MYT1L: variants seen among roughly 807,000 people sequenced by gnomAD.
The protein encoded by MYT1L is myelin transcription factor 1 like.
MYT1L carries 12 observed loss-of-function variants against 126.7 expected under a neutral mutation model. That is an observed-to-expected ratio of 0.09 (90% CI 0.06 to 0.15). The LOEUF (loss-of-function observed/expected upper bound fraction) is 0.15, where lower values mean the gene tolerates loss of function less well. MYT1L is among the 10% of genes least tolerant of loss of function. The pLI, the probability that MYT1L is intolerant of heterozygous loss-of-function variation, is 1.00. For synonymous variants in MYT1L, 541 were observed against 604.2 expected (o/e 0.90, Z 1.53); for missense variants, 979 against 1,585.2 (o/e 0.62, Z 6.49).
chr2:1,989,356 G>A (rs1007307114), intron 5 of MYT1L, among the ~76,000 whole-genome samples: 4 of 152,040 alleles, frequency 2.6e-5, no homozygotes, highest in South Asian at 2.1e-4. Flanking sequence ...TAGAAGAGGC[G>A]GCTCTCTGCA....
chr2:2,052,546 A>C (rs532417322), intron 4 of MYT1L, among the ~76,000 whole-genome samples: 1 of 152,352 alleles, frequency 6.6e-6, no homozygotes, highest in African/African-American at 2.4e-5. Flanking sequence ...ATATATGATA[A>C]GGAGCTAATA....
At chr2:2,250,721 G>T (rs2094625134) in intron 2 of MYT1L, among the ~76,000 whole-genome samples, 1 of 152,056 alleles carries the variant, frequency 6.6e-6, no homozygotes, top group South Asian at 2.1e-4. Flanking sequence ...AATTCTCCAT[G>T]ATTTGATTAT....
chr2:2,008,852 A>T (rs925430537), intron 4 of MYT1L, among the ~76,000 whole-genome samples: 6 of 151,662 alleles, frequency 4.0e-5, no homozygotes, highest in East Asian at 1.9e-4. Context: ...AGTTATTATT[A>T]TTTTTTTTAA....
In MYT1L at chr2:2,323,183, T is replaced by C. The variant is rs1157413703; in HGVS notation, c.-521+7784A>G. On this transcript the variant is annotated intron_variant, in intron 1 of 24. Coordinates refer to ENST00000647738, the MANE Select transcript of MYT1L (RefSeq NM_001303052.2). ...TCTTGTGTTTGAGGTTTAGATTCAT[T>C]AAAGGTGGTTTCTTTCTTTTTTGAA... is the stretch of plus-strand genomic sequence containing the variant. Among the ~76,000 whole-genome samples the C allele has an allele frequency of 2.0e-5, 3 of 152,178 alleles. No individual in the cohort carries two copies. The East Asian group carries it at 5.8e-4, about 29-fold the overall frequency.
intron 2 of MYT1L, among the ~76,000 whole-genome samples, chr2:2,183,042 G>A (rs1227727462): frequency 6.6e-6 from 1 of 152,300 alleles, no homozygotes; most frequent in East Asian, 1.9e-4. Flanking sequence ...CTTTGAGAAG[G>A]TCATGTCATC....
intron 19 of MYT1L, among the ~76,000 whole-genome samples, chr2:1,849,581 G>T (rs1169582975): frequency 6.6e-6 from 1 of 152,220 alleles, no homozygotes; most frequent in Non-Finnish European, 1.5e-5. Flanking sequence ...CCTGGCATCT[G>T]GTGGGTGAGG....
rs139126460 is a variant in MYT1L, at chr2:1,922,267, C to T, written c.1483+19G>A. The T allele has an allele frequency of 6.7e-4, 1,077 of 1,606,754 alleles. 7 individuals carry two copies. In the African/African-American group the frequency reaches 0.013, roughly 19 times the overall value. On this transcript the variant is annotated intron_variant, in intron 10 of 24. Transcript: ENST00000647738. This position sits in a 1 kb window ranked among gnomAD's most constrained non-coding sequence, Gnocchi z 7.4. Reference sequence around the variant, plus strand: ...GCTCATGTTTTCATGAGGCAACTTACGTTAGGTAGAAATATTACCTTTACC... The same window carrying T: ...GCTCATGTTTTCATGAGGCAACTTATGTTAGGTAGAAATATTACCTTTACC...
intron 3 of MYT1L, among the ~76,000 whole-genome samples, chr2:2,062,142 G>A (rs920140744): frequency 6.6e-6 from 1 of 152,216 alleles, no homozygotes; most frequent in Non-Finnish European, 1.5e-5. Context: ...GTTGTACTGG[G>A]CAATACATGA....
chr2:2,146,891 C>T lies in MYT1L; in HGVS notation c.-304+25981G>A, dbSNP rs1386933452. ...GACCTTGAACATCCTTCACAGCCAT[C>T]AGCACTAAATATAAGGCTTTTTGTC... On this transcript the variant is annotated intron_variant, in intron 3 of 24. Transcript: ENST00000647738. 3.3e-5 allele frequency among the ~76,000 whole-genome samples: 5 copies of T among 152,268 alleles called. No individual in the cohort carries two copies. The East Asian group carries it at 9.7e-4, about 29-fold the overall frequency.
chr2:1,869,590 G>T (rs2046024465), intron 18 of MYT1L, among the ~76,000 whole-genome samples: 1 of 152,244 alleles, frequency 6.6e-6, no homozygotes, highest in South Asian at 2.1e-4. Flanking sequence ...TAAGGTGGAA[G>T]GAATGGTGAT....
intron 3 of MYT1L, among the ~76,000 whole-genome samples, chr2:2,123,666 T>C (rs916201486): frequency 6.6e-6 from 1 of 152,248 alleles, no homozygotes; most frequent in Non-Finnish European, 1.5e-5. Flanking sequence ...CCATGCTTCC[T>C]GTACAGCCTG....
At chr2:1,937,587 T>G (rs370577857) in intron 9 of MYT1L, among the ~76,000 whole-genome samples, 1 of 149,780 alleles carries the variant, frequency 6.7e-6, no homozygotes, top group Non-Finnish European at 1.5e-5. Context: ...AGCCATCAGA[T>G]CGCAAGTCGA....
intron 5 of MYT1L, among the ~76,000 whole-genome samples, chr2:1,994,425 G>A (rs1215618200): frequency 2.0e-5 from 3 of 151,568 alleles, no homozygotes; most frequent in African/African-American, 4.9e-5. Context: ...CCTGGTTCAC[G>A]CCCTGCCCCC....
intron 4 of MYT1L, among the ~76,000 whole-genome samples, chr2:1,998,214 C>T (rs1268709809): frequency 6.6e-6 from 1 of 152,186 alleles, no homozygotes; most frequent in Non-Finnish European, 1.5e-5. Flanking sequence ...TTCTTGCTCT[C>T]CAGGGTTGAC....
chr2:2,205,599 G>T (rs1021599338), intron 2 of MYT1L, among the ~76,000 whole-genome samples: 1 of 152,030 alleles, frequency 6.6e-6, no homozygotes, highest in Non-Finnish European at 1.5e-5. Context: ...TTTCTAAATT[G>T]TCTCTCCCTC....
chr2:2,079,209 A>T (rs1220888259), intron 3 of MYT1L, among the ~76,000 whole-genome samples: 1 of 152,224 alleles, frequency 6.6e-6, no homozygotes, highest in Non-Finnish European at 1.5e-5. Context: ...AGAATAAAAA[A>T]TACAAAAATA....
At chr2:1,818,888 T>C (rs1008119823) in intron 21 of MYT1L, among the ~76,000 whole-genome samples, 2 of 152,062 alleles carry the variant, frequency 1.3e-5, no homozygotes, top group African/African-American at 2.4e-5. Flanking sequence ...GAGGGAAGCG[T>C]TTCTAGAACA....
chr2:2,286,274 A>G (rs1243400031), intron 1 of MYT1L, among the ~76,000 whole-genome samples: 2 of 152,074 alleles, frequency 1.3e-5, no homozygotes, highest in African/African-American at 4.8e-5. Context: ...GGATTACCAC[A>G]CCCGGCCTGT....
In MYT1L at chr2:1,917,085, G is replaced by A; in HGVS notation, c.1618+120C>T. 1.6e-6 allele frequency: 2 copies of A among 1,261,128 alleles called. No individual in the cohort carries two copies. The highest frequency in any genetic ancestry group is 2.2e-6 in the Non-Finnish European group (2 of 918,494). The allele number at this position is 1,261,128 out of a possible 1,614,324, so 78.1% of individuals were successfully genotyped here. A position where few individuals can be genotyped will look rare whatever the true frequency, so the allele number is the denominator to read the frequency against. On this transcript the variant is annotated intron_variant, in intron 11 of 24. Coordinates refer to ENST00000647738, the MANE Select transcript of MYT1L (RefSeq NM_001303052.2). The surrounding 1 kb of genome is among the most constrained non-coding windows in gnomAD (Gnocchi z 5.9). ...CAGTTGCCCATCAAGTTAAGTAGGGGCCTAGTTAAATCAGGTCGCACCGAG... is the reference window on the plus strand; with the variant it reads ...CAGTTGCCCATCAAGTTAAGTAGGGACCTAGTTAAATCAGGTCGCACCGAG...
Sources: allele counts gnomAD v4.1 joint callset (sites outside exome capture counted in the v4.1 genomes callset), GRCh38; gene constraint gnomAD v4.1.1; non-coding constraint Gnocchi (gnomAD v3.1); transcripts MANE v1.5; gene names NCBI Gene and HGNC (gene_info 2026-07-23, HGNC 2026-07-21).